The following SPATA22 variants were observed in gnomAD, a reference collection of about 807,000 sequenced individuals.
SPATA22 encodes the protein spermatogenesis associated 22.
Under a neutral mutation model 47.8 loss-of-function variants are expected in SPATA22, and 29 were observed. The ratio of observed to expected loss-of-function variants is 0.61; its 90% CI spans 0.45 to 0.83. The LOEUF (loss-of-function observed/expected upper bound fraction) is 0.83. SPATA22 is among the 40% of genes least tolerant of loss of function. SPATA22 has a pLI of 0.00. For missense variants in SPATA22, 410 were observed against 421.7 expected, an observed-to-expected ratio of 0.97 and a Z score of 0.24; for synonymous variants, 133 against 140.9, an observed-to-expected ratio of 0.94 and a Z score of 0.40.
At chr17:3,494,075 T>C (rs909099613) in intron 1 of SPATA22, among the ~76,000 whole-genome samples, 2 of 151,532 alleles carry the variant, frequency 1.3e-5, no homozygotes, top group Admixed American at 6.6e-5. Context: ...TCACTCTTGT[T>C]GCCCAGGTTG....
chr17:3,472,604 T>C (rs2073459938), upstream of SPATA22: 1 of 152,208 alleles, frequency 6.6e-6, no homozygotes, highest in Non-Finnish European at 1.5e-5. Context: ...TTAATTTGAG[T>C]AACAGTAGCT....
At chr17:3,451,576 A>G (rs2072860939) in intron 5 of SPATA22, among the ~76,000 whole-genome samples, 1 of 152,226 alleles carries the variant, frequency 6.6e-6, no homozygotes, top group Admixed American at 6.5e-5. Flanking sequence ...AGACTTAACA[A>G]ATTTAAGAAG....
intron 2 of SPATA22, 54 bp downstream of exon 2, chr17:3,469,229 A>C (rs1369901013): frequency 1.2e-6 from 1 of 811,718 alleles, no homozygotes; most frequent in East Asian, 2.7e-5. Flanking sequence ...TCTATAAACT[A>C]TACAAGCTTT....
At chr17:3,511,840 G>A (rs2074117714) in intron 1 of SPATA22, 2 of 152,150 alleles carry the variant, frequency 1.3e-5, no homozygotes, top group South Asian at 2.1e-4. Flanking sequence ...ATCCATTAAT[G>A]GATATGACTT....
At chr17:3,440,746 TCAGAGAGATATCAAGA>T (rs1367109320) in intron 8 of SPATA22, 1 of 154,616 alleles carries the variant, frequency 6.5e-6, no homozygotes, top group Non-Finnish European at 1.4e-5. Context: ...CTCGTAAGCA[TCAGAGAGATATCAAGA>T]CAGTGAGGAA....
chr17:3,449,035 C>G lies in SPATA22; in HGVS notation c.444G>C (p.Val148=), dbSNP rs1204842561. ...VANDGKNSCP[V]SSGAQQQKQL... ...GTTTTTGTTGTTGAGCTCCCGAACT[C>G]ACTGGACAAGAATTTTTTCCATCAT... The change falls in exon 6 of 9, where the codon GTG becomes GTC. Residue 148 remains valine (V), a synonymous_variant. Transcript: ENST00000572969. 1 of 1,613,858 alleles carries G rather than the reference C, an allele frequency of 6.2e-7. No homozygotes were observed. Among genetic ancestry groups the G allele is most frequent in the Non-Finnish European group, 8.5e-7 (1 of 1,179,950 alleles).
At chr17:3,494,216 C>G in intron 1 of SPATA22, 1 of 678,130 alleles carries the variant, frequency 1.5e-6, no homozygotes, top group South Asian at 1.4e-5. Context: ...GTTGGCCAGG[C>G]TGTTCTCGAA....
At chr17:3,501,151 G>GGAGAAAAAA (rs1333824491) in intron 1 of SPATA22, 2 of 151,644 alleles carry the variant, frequency 1.3e-5, no homozygotes, top group Admixed American at 6.6e-5. Flanking sequence ...CTGGGGGAGG[G>GGAGAAAAAA]GAGAAAAAAG....
At chr17:3,476,174 C>A (rs749703107), upstream of SPATA22, 1 of 1,613,836 alleles carries the variant, frequency 6.2e-7, no homozygotes, top group Non-Finnish European at 8.5e-7. Context: ...CTTCTTGTCA[C>A]ATTGCTGAAG....
intron 1 of SPATA22, among the ~76,000 whole-genome samples, chr17:3,480,729 G>A (rs549957460): frequency 6.6e-6 from 1 of 152,208 alleles, no homozygotes; most frequent in Non-Finnish European, 1.5e-5. Flanking sequence ...AAGGGGGCTT[G>A]TTTTGGGAAA....
chr17:3,447,740 A>T (rs74321048), intron 6 of SPATA22, among the ~76,000 whole-genome samples: 1 of 152,130 alleles, frequency 6.6e-6, no homozygotes. Flanking sequence ...AGCTATACTC[A>T]TGAAGGGGCT....
chr17:3,455,090 A>C (rs2072954941), intron 5 of SPATA22, among the ~76,000 whole-genome samples: 1 of 152,140 alleles, frequency 6.6e-6, no homozygotes, highest in Middle Eastern at 3.4e-3. Flanking sequence ...TGGCTGCATA[A>C]ATGTCTTCTT....
intron 1 of SPATA22, chr17:3,511,402 C>G (rs992378070): frequency 6.6e-6 from 1 of 152,176 alleles, no homozygotes; most frequent in African/African-American, 2.4e-5. Context: ...AATCAGGACA[C>G]TCCAGCCTCC....
Position 3,502,497 on chromosome 17 carries a change from G to A in SPATA22, c.-74+10915C>T, listed in dbSNP as rs1227623332. On this transcript the variant is annotated intron_variant, in intron 1 of 8. Transcript: ENST00000541913. The stretch of plus-strand genomic sequence containing the variant: ...TTGGGTTAATGGTAATATACTAAGC[G>A]TCCAGTCTATAAACTTCAGCATTCG... The A allele has an allele frequency of 3.9e-5, 6 of 152,216 alleles. No homozygotes were observed. In the East Asian group the frequency reaches 1.2e-3, roughly 29 times the overall value. The allele number at this position is 152,216 out of a possible 1,614,324, so 9.4% of individuals were successfully genotyped here.
intron 1 of SPATA22, chr17:3,483,718 G>A (rs2073674006): frequency 1.7e-5 from 15 of 892,974 alleles, no homozygotes; most frequent in Middle Eastern, 2.4e-4. Context: ...GCTGGAGTCC[G>A]ATGGTGTGAT....
At chr17:3,483,658 A>AT in intron 1 of SPATA22, 1 of 1,435,496 alleles carries the variant, frequency 7.0e-7, no homozygotes, top group Non-Finnish European at 9.8e-7. Context: ...AGAGAAATTT[A>AT]TTTTTTATCT....
At chr17:3,509,295 A>G (rs1226603116) in intron 1 of SPATA22, among the ~76,000 whole-genome samples, 2 of 150,416 alleles carry the variant, frequency 1.3e-5, no homozygotes, top group Non-Finnish European at 3.0e-5. Flanking sequence ...CTATTGATCC[A>G]TCCTCTAAGT....
upstream of SPATA22, among the ~76,000 whole-genome samples, chr17:3,476,614 A>C (rs878950904): frequency 2.0e-5 from 3 of 152,112 alleles, no homozygotes; most frequent in South Asian, 6.2e-4. Flanking sequence ...CTTCTTAAGC[A>C]CCAGATTATT....
At chr17:3,462,217 G>T (rs575748290) in intron 5 of SPATA22, among the ~76,000 whole-genome samples, 1 of 152,216 alleles carries the variant, frequency 6.6e-6, no homozygotes, top group African/African-American at 2.4e-5. Context: ...TCATAGCAAT[G>T]AATATTGGCA....
Sources: allele counts gnomAD v4.1 joint callset (sites outside exome capture counted in the v4.1 genomes callset), GRCh38; gene constraint gnomAD v4.1.1; transcripts MANE v1.5; gene names NCBI Gene and HGNC (gene_info 2026-07-23, HGNC 2026-07-21).